The following LAMA2 variants were observed in gnomAD, a reference collection of about 807,000 sequenced individuals.
LAMA2 encodes the protein laminin subunit alpha-2.
In LAMA2, 269 loss-of-function variants were observed where a neutral mutation model predicts 364.8. The ratio of observed to expected loss-of-function variants is 0.74; its 90% CI spans 0.67 to 0.82. The LOEUF (loss-of-function observed/expected upper bound fraction) is 0.82. LAMA2 is among the 40% of genes least tolerant of loss of function. The pLI, the probability that LAMA2 is intolerant of heterozygous loss-of-function variation, is 0.00. For missense variants in LAMA2, 3,807 were observed against 3,873.2 expected, an observed-to-expected ratio of 0.98 and a Z score of 0.45; for synonymous variants, 1,379 against 1,370.6, an observed-to-expected ratio of 1.01 and a Z score of -0.14.
intron 12 of LAMA2, among the ~76,000 whole-genome samples, chr6:129,244,652 C>A (rs1785623525): frequency 6.6e-6 from 1 of 152,050 alleles, no homozygotes; most frequent in African/African-American, 2.4e-5. Context: ...AAAAGGATTT[C>A]CTCTCCAGAA....
intron 4 of LAMA2, among the ~76,000 whole-genome samples, chr6:129,103,187 AT>A (rs1775613091): frequency 6.6e-6 from 1 of 152,168 alleles, no homozygotes; most frequent in African/African-American, 2.4e-5. Context: ...CTTTAAACAT[AT>A]GTTTTTGTAT....
At chr6:129,447,338 G>C (rs1414740) in intron 45 of LAMA2, among the ~76,000 whole-genome samples, 65,415 of 152,062 alleles carry the variant, frequency 0.43, 14,213 homozygotes, top group South Asian at 0.48. Context: ...GGAAGGATTT[G>C]AGCCAGGCAT....
chr6:129,070,912 C>G (rs1452564384), intron 3 of LAMA2, among the ~76,000 whole-genome samples: 1 of 152,042 alleles, frequency 6.6e-6, no homozygotes, highest in Non-Finnish European at 1.5e-5. Flanking sequence ...CTAAATGAAC[C>G]TTCCCAAGTA....
intron 58 of LAMA2, among the ~76,000 whole-genome samples, chr6:129,493,652 C>A (rs1785001391): frequency 6.6e-6 from 1 of 152,156 alleles, no homozygotes; most frequent in South Asian, 2.1e-4. Context: ...TGAGTACTTT[C>A]ACCAGCCCAG....
intron 1 of LAMA2, among the ~76,000 whole-genome samples, chr6:128,931,766 C>G (rs564855954): frequency 6.6e-6 from 1 of 152,232 alleles, no homozygotes; most frequent in African/African-American, 2.4e-5. Flanking sequence ...TCAAGCATTT[C>G]TTTGTGGCTT....
intron 1 of LAMA2, among the ~76,000 whole-genome samples, chr6:128,993,653 AT>A (rs1783746102): frequency 6.6e-6 from 1 of 152,150 alleles, no homozygotes; most frequent in Admixed American, 6.5e-5. Flanking sequence ...ATGTAAAAAG[AT>A]TGTTTTTAAA....
chr6:129,387,470 G>A (rs1210159813), intron 35 of LAMA2, among the ~76,000 whole-genome samples: 3 of 152,208 alleles, frequency 2.0e-5, no homozygotes, highest in Admixed American at 1.3e-4. Flanking sequence ...ATGTAAATTA[G>A]TTTAACCATT....
chr6:129,261,484 C>G (rs962078649), intron 15 of LAMA2, among the ~76,000 whole-genome samples: 6 of 152,108 alleles, frequency 3.9e-5, no homozygotes, highest in Admixed American at 3.9e-4. Context: ...TGTGTATTTT[C>G]TTTTACACAG....
At chr6:128,988,345 T>A (rs1783399039) in intron 1 of LAMA2, among the ~76,000 whole-genome samples, 1 of 152,050 alleles carries the variant, frequency 6.6e-6, no homozygotes, top group South Asian at 2.1e-4. Flanking sequence ...GGGGTAAGAA[T>A]AAGTGATGCT....
At chr6:129,087,840 G>A (rs989874419) in intron 3 of LAMA2, among the ~76,000 whole-genome samples, 3 of 150,418 alleles carry the variant, frequency 2.0e-5, no homozygotes, top group Non-Finnish European at 3.0e-5. Flanking sequence ...AAGAAAATGG[G>A]GCAATACATA....
intron 12 of LAMA2, among the ~76,000 whole-genome samples, chr6:129,203,403 C>A (rs771092862): frequency 6.6e-6 from 1 of 152,178 alleles, no homozygotes; most frequent in Admixed American, 6.5e-5. Context: ...TAGATCAGAC[C>A]CACCCCTTGT....
intron 14 of LAMA2, among the ~76,000 whole-genome samples, chr6:129,258,929 C>T (rs1378415394): frequency 3.3e-5 from 5 of 151,940 alleles, no homozygotes; most frequent in African/African-American, 1.2e-4. Flanking sequence ...AAGATGTGCC[C>T]CTAGAGAATA....
chr6:129,219,913 T>C (rs920800208), intron 12 of LAMA2, among the ~76,000 whole-genome samples: 2 of 151,198 alleles, frequency 1.3e-5, no homozygotes, highest in African/African-American at 2.5e-5. Flanking sequence ...GGCACATGTA[T>C]ACATATGTAA....
intron 37 of LAMA2, among the ~76,000 whole-genome samples, chr6:129,400,384 T>C (rs1258460705): frequency 1.3e-5 from 2 of 152,134 alleles, no homozygotes; most frequent in Non-Finnish European, 2.9e-5. Context: ...GATCCAAAGA[T>C]TGGAATAACA....
intron 22 of LAMA2, among the ~76,000 whole-genome samples, chr6:129,304,349 CG>C (rs1773735875): frequency 6.6e-6 from 1 of 152,108 alleles, no homozygotes; most frequent in Admixed American, 6.5e-5. Flanking sequence ...CTGCCAGCTC[CG>C]CCTCCCGGGT....
chr6:129,376,318 T>C (rs1375502689), intron 34 of LAMA2, among the ~76,000 whole-genome samples: 2 of 152,222 alleles, frequency 1.3e-5, no homozygotes, highest in Non-Finnish European at 2.9e-5. Context: ...CACTTGTGTG[T>C]ATGGCATTCA....
At chr6:128,960,640 G>T (rs1401189842) in intron 1 of LAMA2, among the ~76,000 whole-genome samples, 1 of 152,182 alleles carries the variant, frequency 6.6e-6, no homozygotes, top group Non-Finnish European at 1.5e-5. Flanking sequence ...GATTACAGGC[G>T]TGAGCCACCA....
At chr6:129,099,887 G>C (rs907715154) in intron 4 of LAMA2, among the ~76,000 whole-genome samples, 1 of 152,194 alleles carries the variant, frequency 6.6e-6, no homozygotes, top group Non-Finnish European at 1.5e-5. Context: ...TGTTCAACCT[G>C]CTTTGTGCCT....
chr6:129,132,558 C>T (rs561392841), intron 4 of LAMA2, among the ~76,000 whole-genome samples: 1 of 152,310 alleles, frequency 6.6e-6, no homozygotes, highest in Admixed American at 6.5e-5. Context: ...GCACATTCTC[C>T]TATTGATGTT....
Sources: allele counts gnomAD v4.1 joint callset (sites outside exome capture counted in the v4.1 genomes callset), GRCh38; gene constraint gnomAD v4.1.1; transcripts MANE v1.5; gene names NCBI Gene and HGNC (gene_info 2026-07-23, HGNC 2026-07-21).